The following DPP6 variants were observed in gnomAD, a reference collection of about 807,000 sequenced individuals.
DPP6 encodes the protein dipeptidyl peptidase like 6, also known as A-type potassium channel modulatory protein DPP6.
In DPP6, 69 loss-of-function variants were observed where a neutral mutation model predicts 122.6. That is an observed-to-expected ratio of 0.56 (90% CI 0.46 to 0.69). The LOEUF (loss-of-function observed/expected upper bound fraction) is 0.69. DPP6 is among the 30% of genes least tolerant of loss of function. The pLI is 0.00. For synonymous variants in DPP6, 418 were observed against 433.1 expected, an observed-to-expected ratio of 0.97 and a Z score of 0.43; for missense variants, 928 against 1,116.9, an observed-to-expected ratio of 0.83 and a Z score of 2.41.
At chr7:153,801,377 C>T in the DPP6 span, among the ~76,000 whole-genome samples, 2 of 151,908 alleles carry the variant, frequency 1.3e-5, no homozygotes, top group Admixed American at 6.6e-5. Flanking sequence ...ACATGCTCCA[C>T]GTTCCTCATT....
chr7:154,868,722 C>A (rs1804109190), intron 18 of DPP6, among the ~76,000 whole-genome samples: 1 of 152,230 alleles, frequency 6.6e-6, no homozygotes, highest in African/African-American at 2.4e-5. Flanking sequence ...GCCTCGGAGC[C>A]TCAACTCCCA....
At chr7:154,140,513 G>T (rs1795792615) in intron 1 of DPP6, among the ~76,000 whole-genome samples, 1 of 152,100 alleles carries the variant, frequency 6.6e-6, no homozygotes, top group Non-Finnish European at 1.5e-5. Context: ...GAGAGATGAG[G>T]TCTCACTATG....
intron 1 of DPP6, among the ~76,000 whole-genome samples, chr7:153,891,018 A>ATTTTT (rs71182849): frequency 6.8e-5 from 4 of 59,180 alleles, no homozygotes; most frequent in Non-Finnish European, 9.4e-5. Context: ...TTCTATTTTA[A>ATTTTT]TTTTTTTTTT....
chr7:154,584,024 G>A (rs1832265181), intron 5 of DPP6, among the ~76,000 whole-genome samples: 1 of 152,006 alleles, frequency 6.6e-6, no homozygotes, highest in East Asian at 1.9e-4. Context: ...CATTGCCACT[G>A]CCCAGTTCAG....
At chr7:153,770,983 G>T in the DPP6 span, among the ~76,000 whole-genome samples, 1 of 152,072 alleles carries the variant, frequency 6.6e-6, no homozygotes, top group African/African-American at 2.4e-5. Context: ...ATGTAAAATG[G>T]CTTAACATAG....
intron 6 of DPP6, among the ~76,000 whole-genome samples, chr7:154,647,323 C>T (rs1387905786): frequency 1.3e-5 from 2 of 152,148 alleles, no homozygotes; most frequent in African/African-American, 4.8e-5. Context: ...CCAGGATTGC[C>T]GTGGAAGCTG....
chr7:153,931,863 T>G (rs900455679), intron 1 of DPP6, among the ~76,000 whole-genome samples: 2 of 152,310 alleles, frequency 1.3e-5, no homozygotes, highest in South Asian at 2.1e-4. Context: ...GTGCCTTAAT[T>G]TGCATCGCCT....
At chr7:154,196,344 G>T (rs1798866208) in intron 1 of DPP6, among the ~76,000 whole-genome samples, 1 of 152,128 alleles carries the variant, frequency 6.6e-6, no homozygotes, top group Non-Finnish European at 1.5e-5. Context: ...ACAAAAATTA[G>T]CTGGGCACGT....
chr7:154,200,100 C>T (rs1013219847), intron 1 of DPP6, among the ~76,000 whole-genome samples: 1 of 152,122 alleles, frequency 6.6e-6, no homozygotes, highest in Non-Finnish European at 1.5e-5. Context: ...ACACGGAACA[C>T]ATACATCGGT....
intron 22 of DPP6, 135 bp from the exon 23 acceptor site, chr7:154,887,541 G>T (rs1806255474): frequency 5.9e-6 from 5 of 849,226 alleles, no homozygotes; most frequent in Non-Finnish European, 1.0e-5. Context: ...CCAACAATCT[G>T]CCACACAAGT....
intron 1 of DPP6, among the ~76,000 whole-genome samples, chr7:154,393,349 C>T (rs958784712): frequency 3.3e-5 from 5 of 152,178 alleles, no homozygotes; most frequent in African/African-American, 7.2e-5. Flanking sequence ...TTGCCTTGGA[C>T]GAGCCTAGTG....
intron 1 of DPP6, among the ~76,000 whole-genome samples, chr7:154,189,530 G>A (rs10251943): frequency 6.6e-5 from 10 of 152,130 alleles, no homozygotes; most frequent in East Asian, 5.8e-4. Context: ...TGTTTGTTCC[G>A]CCAACTCAGT....
intron 17 of DPP6, among the ~76,000 whole-genome samples, chr7:154,854,223 G>T (rs1188518700): frequency 6.6e-6 from 1 of 152,220 alleles, no homozygotes; most frequent in Non-Finnish European, 1.5e-5. Context: ...GGGTCTGGGA[G>T]CTTCACGGCA....
intron 7 of DPP6, among the ~76,000 whole-genome samples, chr7:154,694,564 A>T (rs966375418): frequency 2.0e-5 from 3 of 152,104 alleles, no homozygotes; most frequent in Admixed American, 1.3e-4. Flanking sequence ...GTGAGCTGAG[A>T]TCACGTCACT....
intron 1 of DPP6, among the ~76,000 whole-genome samples, chr7:154,376,309 T>TA (rs1302828860): frequency 1.3e-5 from 2 of 152,146 alleles, no homozygotes; most frequent in East Asian, 1.9e-4. Flanking sequence ...TGGTTCTACT[T>TA]AAAAAATACT....
intron 4 of DPP6, among the ~76,000 whole-genome samples, chr7:154,560,626 G>T (rs1830360632): frequency 6.6e-6 from 1 of 152,208 alleles, no homozygotes; most frequent in African/African-American, 2.4e-5. Context: ...GCTCATGCCT[G>T]TAATCCCATC....
At chr7:154,061,931 C>A (rs534040206) in intron 1 of DPP6, among the ~76,000 whole-genome samples, 1 of 125,540 alleles carries the variant, frequency 8.0e-6, no homozygotes, top group Non-Finnish European at 1.7e-5. Context: ...GGACCCCCAT[C>A]GCAGGAGGGG....
intron 7 of DPP6, among the ~76,000 whole-genome samples, chr7:154,710,077 G>A (rs984582110): frequency 2.0e-5 from 3 of 152,192 alleles, no homozygotes; most frequent in African/African-American, 7.2e-5. Context: ...CAATGCTGCT[G>A]TCCCCCCAAC....
rs535808354 is a variant in DPP6, at chr7:154,634,690, G to A, written c.628-3131G>A. Among the ~76,000 whole-genome samples, 16 of 143,978 alleles carry A rather than the reference G, an allele frequency of 1.1e-4. No individual in the cohort carries two copies. In the South Asian group the frequency reaches 1.1e-3, roughly 10 times the overall value. 94.5% of individuals were successfully genotyped at this position (143,978 alleles called of 152,430 possible). On this transcript the variant is annotated intron_variant, in intron 5 of 25. Coordinates refer to ENST00000377770, the MANE Select transcript of DPP6 (RefSeq NM_130797.4). ...CCTCTTCCCCTTCTCCTTCTCCTTC[G>A]TCTCCTTCTTCTCCTTCTTCTTCCT...
Sources: gnomAD v4.1 joint callset for allele counts (sites outside exome capture counted in the v4.1 genomes callset) on GRCh38, gnomAD v4.1.1 for gene constraint, MANE v1.5 for transcripts, NCBI Gene and HGNC (gene_info 2026-07-23, HGNC 2026-07-21) for gene names.